The following SLC7A7 variants were observed in gnomAD, a reference collection of about 807,000 sequenced individuals.
SLC7A7 encodes the protein solute carrier family 7 member 7.
Under a neutral mutation model 47.9 loss-of-function variants are expected in SLC7A7, and 39 were observed. The observed-to-expected ratio is 0.81, with a 90% CI of 0.63 to 1.06. The LOEUF (loss-of-function observed/expected upper bound fraction) is 1.06. SLC7A7 is among the 50% of genes least tolerant of loss of function. SLC7A7 has a pLI of 0.00. For synonymous variants in SLC7A7, 234 were observed against 242.8 expected (o/e 0.96, Z 0.34); for missense variants, 588 against 632.0 (o/e 0.93, Z 0.75).
At chr14:22,786,039 A>AAT (rs1195617674) in intron 2 of SLC7A7, among the ~76,000 whole-genome samples, 2 of 148,144 alleles carry the variant, frequency 1.4e-5, no homozygotes, top group Non-Finnish European at 3.0e-5. Context: ...AAAAAAAAAA[A>AAT]GCCAGGTGCA....
At position 22,815,360 on chromosome 14, in the gene SLC7A7, A is replaced by G. The variant is rs1180473185; in HGVS notation, c.-83T>C. 2.2e-6 allele frequency: 1 copy of G among 454,536 alleles called. No individual in the cohort carries two copies. The highest frequency in any genetic ancestry group is 2.3e-5 in the Admixed American group (1 of 42,566). 28.2% of individuals were successfully genotyped at this position (454,536 alleles called of 1,614,324 possible). On this transcript the variant is annotated 5_prime_UTR_variant, in exon 1 of 10. Coordinates refer to ENST00000674313, the MANE Select transcript of SLC7A7 (RefSeq NM_003982.4). The stretch of plus-strand genomic sequence containing the variant: ...ATAAGCAGGTTCTCACGGCAGTGTG[A>G]GCAGCAGTCAGGGAGAGAAGTGCCT...
At position 22,773,930 on chromosome 14, in the gene SLC7A7, T is replaced by TA; in HGVS notation, c.1429+2dup. 6.2e-7 allele frequency: 1 copy of TA among 1,613,982 alleles called. No homozygotes were observed. Among genetic ancestry groups the TA allele is most frequent in the African/African-American group, 1.3e-5 (1 of 75,044 alleles). On this transcript the variant is annotated splice_region_variant and intron_variant, in intron 9 of 9. Transcript: ENST00000674313. The stretch of plus-strand genomic sequence containing the variant: ...TGAGCGGACTTAAGGATGCACGGCT[T>TA]ACCCACGATCCTTCGGAGGTAAAGC...
At chr14:22,787,253 T>C (rs532236744) in intron 2 of SLC7A7, among the ~76,000 whole-genome samples, 2 of 150,868 alleles carry the variant, frequency 1.3e-5, no homozygotes, top group East Asian at 2.0e-4. Flanking sequence ...TTGGCCAACA[T>C]AGTGAAACCC....
chr14:22,792,867 A>AAGAGAG (rs113285148), intron 2 of SLC7A7, among the ~76,000 whole-genome samples: 39,899 of 122,002 alleles, frequency 0.33, 7,356 homozygotes, highest in East Asian at 0.59. Context: ...CAAAGAAAGA[A>AAGAGAG]AGAGAGAGAG....
chr14:22,776,256 T>A lies in SLC7A7; in HGVS notation c.833A>T (p.Asn278Ile), dbSNP rs368748914. 6.2e-7 allele frequency: 1 copy of A among 1,614,170 alleles called. No homozygotes were observed. The change falls in exon 5 of 10, where the codon AAT becomes ATT. Residue 278 changes from asparagine to isoleucine, a missense_variant. Coordinates refer to ENST00000674313, the MANE Select transcript of SLC7A7 (RefSeq NM_003982.4). ...GTCTAGCACAGTATAATAGGCCACA[T>A]TGGTCAAGATATAGATGATGGTGAC... is the stretch of plus-strand genomic sequence containing the variant. ...PIVTIIYILT[N>I]VAYYTVLDMR... is the part of the protein sequence containing the mutation.
intron 2 of SLC7A7, among the ~76,000 whole-genome samples, chr14:22,781,614 G>C (rs2038721025): frequency 6.6e-6 from 1 of 152,106 alleles, no homozygotes; most frequent in Admixed American, 6.6e-5. Context: ...AATGACCAAA[G>C]TGGCTGTATC....
chr14:22,807,192 C>T (rs868158181), intron 2 of SLC7A7, among the ~76,000 whole-genome samples: 1 of 152,150 alleles, frequency 6.6e-6, no homozygotes, highest in South Asian at 2.1e-4. Flanking sequence ...AGCCACCGCG[C>T]CGGGCCAACT....
rs1594986371 is a variant in SLC7A7 at position 22,813,374 on chromosome 14, C to T, written c.25G>A (p.Val9Met). Residue 9 changes from valine to methionine, a missense_variant, in exon 2 of 10, where the codon GTG (valine) becomes ATG (methionine). Physicochemically the swap from Val to Met is conservative, Grantham distance 21. Transcript: ENST00000674313. ...GTTTCCACCTCAGGCTGGGAGGCCACTTCATACTCAGTGCTGTCAACCATG... is the reference window on the plus strand; with the variant it reads ...GTTTCCACCTCAGGCTGGGAGGCCATTTCATACTCAGTGCTGTCAACCATG... MVDSTEYE[V>M]ASQPEVETSP... 10 of 1,613,228 alleles carry T rather than the reference C, an allele frequency of 6.2e-6. No homozygotes were observed. Among genetic ancestry groups the T allele is most frequent in the African/African-American group, 4.0e-5 (3 of 75,078 alleles).
Position 22,775,434 on chromosome 14 carries a change from G to C in SLC7A7, c.1095+10C>G. ...ATCTGGCTTTCAGTCTCATCCTTGA[G>C]TTCACTTACATTGAAGAGCAGAGAA... On this transcript the variant is annotated intron_variant, in intron 7 of 9. Transcript: ENST00000674313. The C allele has an allele frequency of 6.2e-7, 1 of 1,610,118 alleles. No homozygotes were observed. Among genetic ancestry groups the C allele is most frequent in the Non-Finnish European group, 8.5e-7 (1 of 1,176,394 alleles).
At chr14:22,794,188 T>C (rs1037119202) in intron 2 of SLC7A7, among the ~76,000 whole-genome samples, 1 of 152,226 alleles carries the variant, frequency 6.6e-6, no homozygotes, top group Non-Finnish European at 1.5e-5. Context: ...TCTGTGTGAA[T>C]TACTCATTAT....
At chr14:22,814,609 A>C (rs2138667784) in intron 1 of SLC7A7, 1 of 152,328 alleles carries the variant, frequency 6.6e-6, no homozygotes, top group East Asian at 1.9e-4. Flanking sequence ...CTTGACCCCG[A>C]GTTTTCAGCC....
intron 2 of SLC7A7, among the ~76,000 whole-genome samples, chr14:22,789,624 G>A (rs1374481592): frequency 1.1e-5 from 1 of 87,266 alleles, no homozygotes; most frequent in African/African-American, 3.9e-5. Context: ...CAAGACTCTG[G>A]CTCAAAAAAA....
intron 4 of SLC7A7, among the ~76,000 whole-genome samples, chr14:22,776,546 T>C (rs2038611775): frequency 6.6e-6 from 1 of 152,180 alleles, no homozygotes; most frequent in African/African-American, 2.4e-5. Flanking sequence ...GAGACAGGAC[T>C]GTGCAGCTGG....
At chr14:22,813,525 G>A (rs2039357324) in intron 1 of SLC7A7, 85 bp from the exon 2 acceptor site, 3 of 1,204,574 alleles carry the variant, frequency 2.5e-6, no homozygotes, top group Admixed American at 3.8e-5. Context: ...GGGTAATACG[G>A]GCAGCTCACC....
rs2038537425 is a variant in SLC7A7 at position 22,774,004 on chromosome 14, C to A, written c.1358G>T (p.Gly453Val). The change falls in exon 9 of 10, where the codon GGC (glycine) becomes GTC (valine). Residue 453 changes from glycine (G) to valine (V), a missense_variant. Physicochemically the swap from Gly to Val is moderately radical, Grantham distance 109. Coordinates refer to ENST00000674313, the MANE Select transcript of SLC7A7 (RefSeq NM_003982.4). ...SLIGIAIALS[G>V]LPFYFLIIRV... is the part of the protein sequence containing the mutation. ...GATGATGAGGAAGTAAAAGGGCAGGCCTGAGAGGGCAATGGCAATGCCGAT... is the reference window on the plus strand; with the variant it reads ...GATGATGAGGAAGTAAAAGGGCAGGACTGAGAGGGCAATGGCAATGCCGAT... 6.2e-7 allele frequency: 1 copy of A among 1,614,132 alleles called. No individual in the cohort carries two copies. The highest frequency in any genetic ancestry group is 8.5e-7 in the Non-Finnish European group (1 of 1,180,044).
chr14:22,807,862 A>G (rs2039239291), intron 2 of SLC7A7, among the ~76,000 whole-genome samples: 1 of 152,156 alleles, frequency 6.6e-6, no homozygotes, highest in Admixed American at 6.6e-5. Flanking sequence ...CCCTACAAAA[A>G]TAAAGTTGTC....
chr14:22,788,565 G>A (rs566401379), intron 2 of SLC7A7, among the ~76,000 whole-genome samples: 29 of 151,786 alleles, frequency 1.9e-4, no homozygotes, highest in South Asian at 6.2e-4. Flanking sequence ...TTAGCTGGGC[G>A]TGGTGGCGGG....
At chr14:22,811,844 C>A (rs1258670880) in intron 2 of SLC7A7, among the ~76,000 whole-genome samples, 78 of 125,142 alleles carry the variant, frequency 6.2e-4, no homozygotes, top group African/African-American at 1.1e-3. Context: ...GACTCTATCT[C>A]AAAAAAAAAA....
In SLC7A7 at chr14:22,778,897, T is replaced by G. The variant is rs140599841; in HGVS notation, c.666A>C (p.Ser222=). 4 of 1,613,998 alleles carry G rather than the reference T, an allele frequency of 2.5e-6. No individual in the cohort carries two copies. The African/African-American group carries it at 4.0e-5, about 16-fold the overall frequency. ...CCAGGGCAATGTCACCCACTGCAAATGATGAACCCTCAAAGGAATTCTCAA... is the reference window on the plus strand; with the variant it reads ...CCAGGGCAATGTCACCCACTGCAAAGGATGAACCCTCAAAGGAATTCTCAA... The part of the protein sequence containing the change: ...THFENSFEGS[S]FAVGDIALAL... The change falls in exon 4 of 10, where the codon TCA becomes TCC. Residue 222 remains serine (S), a synonymous_variant. Transcript: ENST00000674313.
Sources: gnomAD v4.1 joint callset for allele counts (sites outside exome capture counted in the v4.1 genomes callset) on GRCh38, gnomAD v4.1.1 for gene constraint, MANE v1.5 for transcripts, NCBI Gene and HGNC (gene_info 2026-07-23, HGNC 2026-07-21) for gene names.